The following COL6A6 variants were observed in gnomAD, a reference collection of about 807,000 sequenced individuals.
COL6A6 encodes the protein collagen type VI alpha 6 chain.
In COL6A6, 183 loss-of-function variants were observed where a neutral mutation model predicts 208.6. The observed-to-expected ratio is 0.88, with a 90% CI of 0.78 to 0.99. The LOEUF (loss-of-function observed/expected upper bound fraction) is 0.99, where lower values mean the gene tolerates loss of function less well. Ranked by LOEUF, COL6A6 falls within the 50% of genes least tolerant of loss-of-function variation. The pLI is 0.00. For missense variants in COL6A6, 2,816 were observed against 2,815.2 expected (o/e 1.00, Z -0.01); for synonymous variants, 973 against 1,011.8 (o/e 0.96, Z 0.73).
chr3:130,571,115 C>A lies in COL6A6; in HGVS notation c.2699C>A (p.Thr900Asn). 6.2e-7 allele frequency: 1 copy of A among 1,613,922 alleles called. No homozygotes were observed. The highest frequency in any genetic ancestry group is 8.5e-7 in the Non-Finnish European group (1 of 1,179,836). Residue 900 changes from threonine (T) to asparagine (N), a missense_variant, in exon 7 of 37, where the codon ACT becomes AAT. Coordinates refer to ENST00000358511, the MANE Select transcript of COL6A6 (RefSeq NM_001102608.3). ...EALGFSDHMF[T>N]EARGSRLNKG... Reference sequence around the variant, plus strand: ...CTGGGCTTCTCAGACCACATGTTCACTGAAGCCCGGGGCAGCCGCCTGAAC... The same window carrying A: ...CTGGGCTTCTCAGACCACATGTTCAATGAAGCCCGGGGCAGCCGCCTGAAC...
chr3:130,575,850 C>T (rs2063282500), intron 8 of COL6A6, among the ~76,000 whole-genome samples: 1 of 152,146 alleles, frequency 6.6e-6, no homozygotes, highest in Non-Finnish European at 1.5e-5. Flanking sequence ...CCCACATCAT[C>T]ACCTCCCCAA....
At chr3:130,611,495 A>C (rs1031009404) in intron 23 of COL6A6, among the ~76,000 whole-genome samples, 3 of 152,222 alleles carry the variant, frequency 2.0e-5, no homozygotes, top group African/African-American at 7.2e-5. Context: ...GCTCCATAAA[A>C]GATAGGACTT....
intron 36 of COL6A6, among the ~76,000 whole-genome samples, chr3:130,670,707 C>T (rs1334003435): frequency 6.6e-6 from 1 of 152,214 alleles, no homozygotes; most frequent in Non-Finnish European, 1.5e-5. Context: ...TATCTTTTGC[C>T]CACCTACATC....
At chr3:130,659,612 G>A (rs959498849) in intron 34 of COL6A6, among the ~76,000 whole-genome samples, 6 of 152,078 alleles carry the variant, frequency 3.9e-5, no homozygotes, top group Non-Finnish European at 7.4e-5. Flanking sequence ...TTTTACAGAA[G>A]AGAAAAATAA....
chr3:130,574,478 T>C lies in COL6A6; in HGVS notation c.3500T>C (p.Val1167Ala), dbSNP rs2063248326. 1 of 1,613,812 alleles carries C rather than the reference T, an allele frequency of 6.2e-7. No individual in the cohort carries two copies. Among genetic ancestry groups the C allele is most frequent in the Admixed American group, 1.7e-5 (1 of 59,996 alleles). ...CACAACTTCGATGAACTGAAGAAGGTCAATAAAAGGATCGTTCGCAACATC... is the reference window on the plus strand; with the variant it reads ...CACAACTTCGATGAACTGAAGAAGGCCAATAAAAGGATCGTTCGCAACATC... Reference protein sequence around the residue: ...TVHNFDELKKVNKRIVRNICT... With the variant: ...TVHNFDELKKANKRIVRNICT... Residue 1167 changes from valine to alanine, a missense_variant, in exon 8 of 37, where the codon GTC (valine) becomes GCC (alanine). Coordinates refer to ENST00000358511, the MANE Select transcript of COL6A6 (RefSeq NM_001102608.3).
At chr3:130,599,585 T>C (rs946795585) in intron 19 of COL6A6, among the ~76,000 whole-genome samples, 172 bp from the exon 20 acceptor site, 2 of 152,210 alleles carry the variant, frequency 1.3e-5, no homozygotes, top group Non-Finnish European at 2.9e-5. Context: ...TCATGACTTA[T>C]ATAGAAATGT....
chr3:130,605,900 A>C (rs2064169261), intron 20 of COL6A6, among the ~76,000 whole-genome samples: 2 of 152,182 alleles, frequency 1.3e-5, no homozygotes, highest in Admixed American at 6.5e-5. Context: ...AAATTATCAG[A>C]TCTCATGAGA....
chr3:130,641,547 C>G, intron 28 of COL6A6, 105 bp from the exon 29 acceptor site: 2 of 522,660 alleles, frequency 3.8e-6, no homozygotes, highest in Admixed American at 8.2e-5. Flanking sequence ...GTGAAATTTT[C>G]ACTTTTGAAT....
chr3:130,552,336 C>A (rs9864130), intron 1 of COL6A6, among the ~76,000 whole-genome samples: 130,661 of 152,188 alleles, frequency 0.86, 56,604 homozygotes, highest in African/African-American at 0.9. Flanking sequence ...GGGTGCATAC[C>A]TATTTAGGAT....
rs1560022472 is a variant in COL6A6 at position 130,581,581 on chromosome 3, G to A, written c.3568G>A (p.Val1190Met). Residue 1190 changes from valine (V) to methionine (M), a missense_variant, in exon 9 of 37, where the codon GTG becomes ATG. Val to Met is a conservative substitution (Grantham distance 21). Transcript: ENST00000358511. ...GESNCFVDVV[V>M]GFDVSTQEKG... ...CCTAGACTGTTTCGTGGATGTTGTG[G>A]TGGGATTTGATGTCTCAACTCAGGA... 1.2e-6 allele frequency: 2 copies of A among 1,609,204 alleles called. No individual in the cohort carries two copies.
At chr3:130,551,632 T>G (rs936011891) in intron 1 of COL6A6, among the ~76,000 whole-genome samples, 11 of 107,048 alleles carry the variant, frequency 1.0e-4, no homozygotes, top group African/African-American at 1.8e-4. Flanking sequence ...ATCTTTTGGG[T>G]TTTTTTTTTT....
intron 33 of COL6A6, among the ~76,000 whole-genome samples, chr3:130,655,030 A>C (rs1035639304): frequency 2.0e-5 from 3 of 152,176 alleles, no homozygotes; most frequent in Admixed American, 6.5e-5. Context: ...CAACCTGAAG[A>C]CATCTCAAAG....
intron 23 of COL6A6, among the ~76,000 whole-genome samples, chr3:130,616,552 G>GAAA (rs35307177): frequency 6.7e-4 from 81 of 120,626 alleles, no homozygotes; most frequent in South Asian, 2.7e-3. Flanking sequence ...ATCAATGCCT[G>GAAA]AAAAAAAAAA....
chr3:130,661,506 GTTACTA>G lies in COL6A6; in HGVS notation c.5831-127_5831-122del, dbSNP rs751096903. Reference sequence around the variant, plus strand: ...AAACCATGTACTAGGAAATCTTCCTGTTACTATTAAAGTATTTAGTCACTATTTTAA... The same window carrying G: ...AAACCATGTACTAGGAAATCTTCCTGTTAAAGTATTTAGTCACTATTTTAA... On this transcript the variant is annotated intron_variant, in intron 34 of 36. Transcript: ENST00000358511. The G allele has an allele frequency of 1.1e-4, 80 of 700,692 alleles. 1 individual carries two copies. The highest frequency in any genetic ancestry group is 1.6e-4 in the Non-Finnish European group (71 of 433,950). 43.4% of individuals were successfully genotyped at this position (700,692 alleles called of 1,614,324 possible).
At chr3:130,531,943 T>C (rs1289059255) in intron 1 of COL6A6, among the ~76,000 whole-genome samples, 1 of 152,224 alleles carries the variant, frequency 6.6e-6, no homozygotes, top group African/African-American at 2.4e-5. Context: ...TTTTCTGGTA[T>C]AGAGATAGCA....
rs182443528 is a variant in COL6A6, at chr3:130,604,264, C to T, written c.4654-2667C>T. On this transcript the variant is annotated intron_variant, in intron 20 of 36. Transcript: ENST00000358511. ...ATCCCAGCACTTTGGGAGGCTCAGG[C>T]GGGCGGATCATGAGGTCAGGAGATC... 1.9e-4 allele frequency among the ~76,000 whole-genome samples: 29 copies of T among 152,176 alleles called. 1 individual carries two copies. Among genetic ancestry groups the T allele is most frequent in the East Asian group, 9.7e-4 (5 of 5,164 alleles).
intron 27 of COL6A6, among the ~76,000 whole-genome samples, chr3:130,635,262 G>A (rs1451828155): frequency 2.0e-5 from 3 of 151,934 alleles, no homozygotes; most frequent in Non-Finnish European, 4.4e-5. Context: ...AGAAAGAAAA[G>A]TGTAATGTAA....
intron 11 of COL6A6, 40 bp from the exon 12 acceptor site, chr3:130,589,050 A>G: frequency 6.7e-7 from 1 of 1,501,454 alleles, no homozygotes; most frequent in East Asian, 2.3e-5. Context: ...TTTGGGAAGC[A>G]ATACCACCAA....
At chr3:130,543,140 G>A (rs1046010049) in intron 1 of COL6A6, among the ~76,000 whole-genome samples, 1 of 152,026 alleles carries the variant, frequency 6.6e-6, no homozygotes, top group Non-Finnish European at 1.5e-5. Flanking sequence ...TCCTGACCTC[G>A]TGATCTGCCC....
Sources: gnomAD v4.1 joint callset for allele counts (sites outside exome capture counted in the v4.1 genomes callset) on GRCh38, gnomAD v4.1.1 for gene constraint, MANE v1.5 for transcripts, NCBI Gene and HGNC (gene_info 2026-07-23, HGNC 2026-07-21) for gene names.